The following ARHGAP39 variants were observed in gnomAD, a reference collection of about 807,000 sequenced individuals.
The protein encoded by ARHGAP39 is Rho GTPase activating protein 39, also known as rho GTPase-activating protein 39.
A neutral mutation model predicts 106.9 loss-of-function variants in ARHGAP39; 44 were observed. The ratio of observed to expected loss-of-function variants is 0.41; its 90% CI spans 0.32 to 0.53. ARHGAP39 has a LOEUF of 0.53. ARHGAP39 is among the 20% of genes least tolerant of loss of function. The probability of loss-of-function intolerance (pLI) is 0.21; values close to 1 mark genes in which losing one functional copy is unlikely to be tolerated. For synonymous variants in ARHGAP39, 768 were observed against 693.2 expected, an observed-to-expected ratio of 1.11 and a Z score of -1.69; for missense variants, 1,496 against 1,577.3, an observed-to-expected ratio of 0.95 and a Z score of 0.87.
At chr8:144,582,673 G>A (rs1463248877) in intron 2 of ARHGAP39, among the ~76,000 whole-genome samples, 1 of 152,198 alleles carries the variant, frequency 6.6e-6, no homozygotes, top group Non-Finnish European at 1.5e-5. Flanking sequence ...GCTGGCTCAG[G>A]GGTCTGGCTG....
intron 1 of ARHGAP39, among the ~76,000 whole-genome samples, chr8:144,637,864 CT>C (rs79827287): frequency 3.8e-3 from 531 of 140,652 alleles, no homozygotes; most frequent in Middle Eastern, 3.7e-3. Flanking sequence ...ATTTTTCTTT[CT>C]TTTTTTTTTT....
intron 2 of ARHGAP39, among the ~76,000 whole-genome samples, chr8:144,599,556 A>T (rs1013303176): frequency 6.6e-6 from 1 of 152,208 alleles, no homozygotes; most frequent in Non-Finnish European, 1.5e-5. Flanking sequence ...GGGCACGGGG[A>T]AGAGGCCTGG....
intron 7 of ARHGAP39, among the ~76,000 whole-genome samples, chr8:144,535,071 T>C (rs1307268844): frequency 6.6e-6 from 1 of 152,208 alleles, no homozygotes; most frequent in Non-Finnish European, 1.5e-5. Context: ...ACCCTGTGCT[T>C]CTGGACATGA....
At chr8:144,571,971 C>T (rs186049742) in intron 3 of ARHGAP39, among the ~76,000 whole-genome samples, 15 of 152,180 alleles carry the variant, frequency 9.9e-5, no homozygotes, top group Admixed American at 2.6e-4. Flanking sequence ...CACTGCACAA[C>T]GAAATAAGAG....
chr8:144,602,739 T>C (rs1208088684), intron 2 of ARHGAP39, among the ~76,000 whole-genome samples: 1 of 140,488 alleles, frequency 7.1e-6, no homozygotes, highest in Non-Finnish European at 1.5e-5. Flanking sequence ...TGTGTGTGCA[T>C]GGAGGCGTGT....
intron 3 of ARHGAP39, among the ~76,000 whole-genome samples, chr8:144,579,284 A>T (rs1157349725): frequency 6.6e-6 from 1 of 152,116 alleles, no homozygotes; most frequent in Non-Finnish European, 1.5e-5. Context: ...CAAAACTACA[A>T]TGAGACATTT....
intron 3 of ARHGAP39, among the ~76,000 whole-genome samples, chr8:144,559,975 G>A (rs938488401): frequency 2.0e-5 from 3 of 152,242 alleles, no homozygotes; most frequent in Non-Finnish European, 4.4e-5. Flanking sequence ...CCAGATCATG[G>A]AGCACTTTGA....
At chr8:144,607,192 C>T (rs1269249506) in intron 1 of ARHGAP39, among the ~76,000 whole-genome samples, 7 of 149,166 alleles carry the variant, frequency 4.7e-5, no homozygotes, top group Admixed American at 2.0e-4. Flanking sequence ...GGGAGGATCC[C>T]GCCACTGCGC....
intron 1 of ARHGAP39, among the ~76,000 whole-genome samples, chr8:144,623,829 G>C (rs115610829): frequency 0.021 from 3,207 of 152,322 alleles, 127 homozygotes; most frequent in African/African-American, 0.074. Context: ...TCAGGAATGA[G>C]AGAGGCCACT....
chr8:144,562,445 G>GACTC (rs1163999999), intron 3 of ARHGAP39, among the ~76,000 whole-genome samples: 1 of 126,728 alleles, frequency 7.9e-6, no homozygotes, highest in African/African-American at 3.8e-5. Flanking sequence ...GTTTCCATCG[G>GACTC]ACTCCAGTGG....
intron 1 of ARHGAP39, among the ~76,000 whole-genome samples, chr8:144,681,052 T>C (rs959436253): frequency 6.6e-6 from 1 of 151,652 alleles, no homozygotes; most frequent in African/African-American, 2.4e-5. Context: ...GGCAGAGGAG[T>C]TGGCGTGCAG....
intron 2 of ARHGAP39, among the ~76,000 whole-genome samples, chr8:144,598,107 C>T (rs142331357): frequency 0.02 from 3,077 of 152,232 alleles, 39 homozygotes; most frequent in Middle Eastern, 0.048. Context: ...AGGAGCAGCC[C>T]GGGGAAGTCC....
chr8:144,661,649 A>G (rs1247603481), intron 1 of ARHGAP39, among the ~76,000 whole-genome samples: 2 of 152,014 alleles, frequency 1.3e-5, no homozygotes, highest in African/African-American at 2.4e-5. Flanking sequence ...GCCTCCCACA[A>G]TACTGAGACT....
chr8:144,532,890 G>A (rs1254037713), intron 9 of ARHGAP39, among the ~76,000 whole-genome samples: 1 of 152,198 alleles, frequency 6.6e-6, no homozygotes, highest in Non-Finnish European at 1.5e-5. Context: ...GTCTCTGCAG[G>A]GGCGCCCTCC....
At chr8:144,618,566 G>A (rs1820699391) in intron 1 of ARHGAP39, among the ~76,000 whole-genome samples, 2 of 152,238 alleles carry the variant, frequency 1.3e-5, no homozygotes, top group South Asian at 4.1e-4. Flanking sequence ...GTGGGCGCGA[G>A]CAGGCAGGCA....
At chr8:144,557,686 G>C (rs1277629944) in intron 3 of ARHGAP39, among the ~76,000 whole-genome samples, 1 of 152,092 alleles carries the variant, frequency 6.6e-6, no homozygotes, top group Non-Finnish European at 1.5e-5. Flanking sequence ...AACCTTCATA[G>C]TATTCAGAGG....
chr8:144,638,428 T>G (rs894387047), intron 1 of ARHGAP39, among the ~76,000 whole-genome samples: 1 of 152,256 alleles, frequency 6.6e-6, no homozygotes, highest in Admixed American at 6.5e-5. Context: ...AGCCAACGGC[T>G]CTTCAAATAC....
intron 1 of ARHGAP39, among the ~76,000 whole-genome samples, chr8:144,616,652 A>AG (rs1009043663): frequency 2.2e-4 from 33 of 152,260 alleles, no homozygotes; most frequent in Admixed American, 1.9e-3. Context: ...TGGGGAGGGC[A>AG]GGGGGGGCCC....
At chr8:144,580,757 GGCCCCGCCCACCACCCCCTACCTGCC>G in intron 3 of ARHGAP39, 63 bp downstream of exon 3, 3 of 188,774 alleles carry the variant, frequency 1.6e-5, no homozygotes, top group Non-Finnish European at 3.1e-5. Context: ...GCTCTCACCT[GGCCCCGCCCACCACCCCCTACCTGCC>G]TCACCTGGCC....
Sources: gnomAD v4.1 joint callset for allele counts (sites outside exome capture counted in the v4.1 genomes callset) on GRCh38, gnomAD v4.1.1 for gene constraint, MANE v1.5 for transcripts, NCBI Gene and HGNC (gene_info 2026-07-23, HGNC 2026-07-21) for gene names.